The following ITGA7 variants were observed in gnomAD, a reference collection of about 807,000 sequenced individuals.
The protein encoded by ITGA7 is integrin alpha-7.
A neutral mutation model predicts 131.6 loss-of-function variants in ITGA7; 84 were observed. The observed-to-expected ratio is 0.64, with a 90% CI of 0.54 to 0.77. The LOEUF is 0.77. ITGA7 is among the 30% of genes least tolerant of loss of function. ITGA7 has a pLI of 0.00. For synonymous variants in ITGA7, 548 were observed against 600.7 expected (o/e 0.91, Z 1.28); for missense variants, 1,399 against 1,482.9 (o/e 0.94, Z 0.93).
intron 21 of ITGA7, 76 bp downstream of exon 21, chr12:55,692,768 T>G (rs1463919497): frequency 2.0e-6 from 3 of 1,521,506 alleles, no homozygotes. Context: ...CAGACCATCA[T>G]GTGTCTCAAC....
chr12:55,693,321 T>A lies in ITGA7; in HGVS notation c.2536-4A>T. On this transcript the variant is annotated splice_polypyrimidine_tract_variant and splice_region_variant and intron_variant, in intron 19 of 24. Coordinates refer to ENST00000257879, the MANE Select transcript of ITGA7 (RefSeq NM_002206.3). ...GCGACTGGCCTTGGTTGGAAACCTG[T>A]GGGAAAAAGAGAGTATGAGGGGAGA... The A allele has an allele frequency of 6.2e-7, 1 of 1,612,010 alleles. No individual in the cohort carries two copies. The highest frequency in any genetic ancestry group is 1.3e-5 in the African/African-American group (1 of 74,658).
chr12:55,700,025 A>C, intron 4 of ITGA7, 36 bp from the exon 5 acceptor site: 1 of 1,612,462 alleles, frequency 6.2e-7, no homozygotes, highest in African/African-American at 1.3e-5. Flanking sequence ...GGGAGGGGAC[A>C]TCCAGAGTAG....
chr12:55,701,208 G>A, intron 3 of ITGA7, 54 bp from the exon 4 acceptor site: 1 of 1,612,964 alleles, frequency 6.2e-7, no homozygotes, highest in South Asian at 1.1e-5. Context: ...GGACCTGCTT[G>A]AGGCATGCTG....
Position 55,698,554 on chromosome 12 carries a change from C to T in ITGA7, c.1021G>A (p.Ala341Thr). The T allele has an allele frequency of 6.2e-7, 1 of 1,614,154 alleles. No homozygotes were observed. The highest frequency in any genetic ancestry group is 8.5e-7 in the Non-Finnish European group (1 of 1,180,018). Reference sequence around the variant, plus strand: ...TCTTGGCGCTCAAAGAAGTAGGGGGCACCCACTATCAGGTCTGGCCAGCTA... The same window carrying T: ...TCTTGGCGCTCAAAGAAGTAGGGGGTACCCACTATCAGGTCTGGCCAGCTA... Reference protein sequence around the residue: ...SDGWPDLIVGAPYFFERQEEL... With the variant: ...SDGWPDLIVGTPYFFERQEEL... Residue 341 changes from alanine (A) to threonine (T), a missense_variant, in exon 7 of 25, where the codon GCC becomes ACC. Physicochemically the swap from Ala to Thr is moderately conservative, Grantham distance 58. Coordinates refer to ENST00000257879, the MANE Select transcript of ITGA7 (RefSeq NM_002206.3).
chr12:55,699,043 C>T (rs1873350243), intron 5 of ITGA7, 126 bp from the exon 6 acceptor site: 1 of 833,294 alleles, frequency 1.2e-6, no homozygotes, highest in Non-Finnish European at 1.9e-6. Context: ...CCCCTGCACC[C>T]TGCCCCCTCC....
rs776595022 is a variant in ITGA7, at chr12:55,697,578, A to T, written c.1410-32T>A. 8.7e-6 allele frequency: 14 copies of T among 1,609,676 alleles called. No individual in the cohort carries two copies. In the South Asian group the frequency reaches 1.5e-4, roughly 18 times the overall value. On this transcript the variant is annotated intron_variant, in intron 9 of 24. Coordinates refer to ENST00000257879, the MANE Select transcript of ITGA7 (RefSeq NM_002206.3). Reference sequence around the variant, plus strand: ...TTGGGGAGTCAAGAGCACAAGAAACATGAGAACATGAGGCTGGGAAACACT... The same window carrying T: ...TTGGGGAGTCAAGAGCACAAGAAACTTGAGAACATGAGGCTGGGAAACACT...
Position 55,688,846 on chromosome 12 carries a change from C to A in ITGA7, c.2956G>T (p.Glu986Ter). ...CTAGAGCCGAGTGGTATCCTCACCT[C>A]CAGAAAGGTGCTGTTCCAGAGACGG... The part of the protein sequence containing the change: ...WGRLWNSTFL[E>*]EYSAVKSLEV... Residue 986 changes from glutamate to a stop codon, truncating the protein, a stop_gained and splice_region_variant, in exon 22 of 25, where the codon GAG (glutamate) becomes TAG (stop). Coordinates refer to ENST00000257879, the MANE Select transcript of ITGA7 (RefSeq NM_002206.3). LOFTEE classifies it high-confidence loss of function. 6.2e-7 allele frequency: 1 copy of A among 1,612,510 alleles called. No individual in the cohort carries two copies. The highest frequency in any genetic ancestry group is 8.5e-7 in the Non-Finnish European group (1 of 1,178,564).
At chr12:55,711,338 C>T (rs949827705), upstream of ITGA7, among the ~76,000 whole-genome samples, 2 of 152,096 alleles carry the variant, frequency 1.3e-5, no homozygotes, top group African/African-American at 2.4e-5. Flanking sequence ...ATCAGCTGGG[C>T]GTGGTGGTAC....
At chr12:55,701,241 A>C (rs746054454) in intron 3 of ITGA7, 87 bp from the exon 4 acceptor site, 238 of 1,598,948 alleles carry the variant, frequency 1.5e-4, no homozygotes, top group Middle Eastern at 3.3e-4. Context: ...GATTTGGCAG[A>C]TACTGATACA....
intron 19 of ITGA7, among the ~76,000 whole-genome samples, chr12:55,693,732 G>A (rs540710641): frequency 3.2e-4 from 48 of 151,824 alleles, no homozygotes; most frequent in African/African-American, 8.7e-4. Context: ...TTAACCCCCC[G>A]CCCCATGTTC....
At chr12:55,707,450 C>T (rs761793069) in intron 1 of ITGA7, 27 bp downstream of exon 1, 3 of 1,583,746 alleles carry the variant, frequency 1.9e-6, no homozygotes, top group Non-Finnish European at 2.6e-6. Context: ...TCGGGCATGG[C>T]GACTCTGGGC....
chr12:55,698,445 G>C lies in ITGA7; in HGVS notation c.1130C>G (p.Pro377Arg), dbSNP rs1873139228. The C allele has an allele frequency of 2.5e-6, 4 of 1,613,720 alleles. No individual in the cohort carries two copies. The highest frequency in any genetic ancestry group is 3.4e-6 in the Non-Finnish European group (4 of 1,179,722). ...CAGGCTGATCCCGAACATGGAGTCA[G>C]GGGAGCCGCAGAGCCGGAGAGGGGA... ...GISPLRLCGSPDSMFGISLAV... is the reference protein window; with the variant it reads ...GISPLRLCGSRDSMFGISLAV... Residue 377 changes from proline (P) to arginine (R), a missense_variant, in exon 7 of 25, where the codon CCT becomes CGT. Coordinates refer to ENST00000257879, the MANE Select transcript of ITGA7 (RefSeq NM_002206.3).
At chr12:55,704,524 G>C (rs151134338) in intron 1 of ITGA7, among the ~76,000 whole-genome samples, 1 of 152,188 alleles carries the variant, frequency 6.6e-6, no homozygotes, top group Non-Finnish European at 1.5e-5. Context: ...CACCTACTAT[G>C]ACGTCAGATC....
Position 55,684,993 on chromosome 12 carries a change from T to A in ITGA7, c.*65A>T. 1 of 1,375,058 alleles carries A rather than the reference T, an allele frequency of 7.3e-7. No homozygotes were observed. The highest frequency in any genetic ancestry group is 9.8e-7 in the Non-Finnish European group (1 of 1,017,248). The allele number at this position is 1,375,058 out of a possible 1,614,324, so 85.2% of individuals were successfully genotyped here. On this transcript the variant is annotated 3_prime_UTR_variant, in exon 25 of 25. Coordinates refer to ENST00000257879, the MANE Select transcript of ITGA7 (RefSeq NM_002206.3). ...CCAGCAGCCCACTCTACCCTCTTCA[T>A]CCCAAGGAGCCATCTCTGGGGAAGG...
At chr12:55,704,222 G>A (rs970122715) in intron 1 of ITGA7, among the ~76,000 whole-genome samples, 1 of 152,198 alleles carries the variant, frequency 6.6e-6, no homozygotes, top group Admixed American at 6.5e-5. Flanking sequence ...CTTCCTGGGG[G>A]GCAAGGCCCA....
chr12:55,714,975 C>T (rs926798709), upstream of ITGA7, among the ~76,000 whole-genome samples: 1 of 151,046 alleles, frequency 6.6e-6, no homozygotes, highest in East Asian at 2.0e-4. Flanking sequence ...ATTCTCCTGC[C>T]TCAGGCTCCT....
chr12:55,714,962 G>A (rs1174410931), upstream of ITGA7, among the ~76,000 whole-genome samples: 1 of 148,202 alleles, frequency 6.7e-6, no homozygotes, highest in Non-Finnish European at 1.5e-5. Context: ...CCAGGTTCAA[G>A]CGATTCTCCT....
chr12:55,697,329 C>T, intron 10 of ITGA7, 52 bp from the exon 11 acceptor site: 2 of 1,578,872 alleles, frequency 1.3e-6, no homozygotes, highest in South Asian at 1.1e-5. Context: ...GGGCCAAGGC[C>T]CCTACCCCCA....
At position 55,699,977 on chromosome 12, in the gene ITGA7, AC is replaced by A; in HGVS notation, c.682del (p.Val228Ter). On this transcript the variant is annotated frameshift_variant, in exon 5 of 25. Coordinates refer to ENST00000257879, the MANE Select transcript of ITGA7 (RefSeq NM_002206.3). LOFTEE classifies it high-confidence loss of function. ...GTYNWKGLLF[V>X]TNIDSSDPDQ... ...GGGGTCTGAGCTATCAATGTTGGTCACAAAAAGCAACCCTGTGGGGGGTGGG... is the reference window on the plus strand; with the variant it reads ...GGGGTCTGAGCTATCAATGTTGGTCAAAAAAGCAACCCTGTGGGGGGTGGG... 3.7e-6 allele frequency: 6 copies of A among 1,614,150 alleles called. No homozygotes were observed. Among genetic ancestry groups the A allele is most frequent in the Non-Finnish European group, 5.1e-6 (6 of 1,180,032 alleles).
Sources: allele counts gnomAD v4.1 joint callset (sites outside exome capture counted in the v4.1 genomes callset), GRCh38; gene constraint gnomAD v4.1.1; transcripts MANE v1.5; gene names NCBI Gene and HGNC (gene_info 2026-07-23, HGNC 2026-07-21).